The following CDC73 variants were observed in gnomAD, a reference collection of about 807,000 sequenced individuals.
CDC73 encodes the protein cell division cycle 73, also known as parafibromin.
In CDC73, 21 loss-of-function variants were observed where a neutral mutation model predicts 83.7. The ratio of observed to expected loss-of-function variants is 0.25; its 90% confidence interval spans 0.18 to 0.36. CDC73 has a LOEUF of 0.36. CDC73 is among the 10% of genes least tolerant of loss of function. The pLI, the probability that CDC73 is intolerant of heterozygous loss-of-function variation, is 1.00. For missense variants in CDC73, 342 were observed against 653.3 expected, an observed-to-expected ratio of 0.52 and a Z score of 5.19; for synonymous variants, 224 against 212.9, an observed-to-expected ratio of 1.05 and a Z score of -0.45.
intron 10 of CDC73, chr1:193,180,828 A>G (rs1676701629): frequency 6.2e-7 from 1 of 1,613,904 alleles, no homozygotes; most frequent in South Asian, 1.1e-5. Flanking sequence ...TAACATATGG[A>G]ATATGTGGAC....
Position 193,252,072 on chromosome 1 carries a change from A to G in CDC73, c.*1360A>G, listed in dbSNP as rs1678052445. 1.7e-5 allele frequency: 4 copies of G among 231,288 alleles called. No homozygotes were observed. Among genetic ancestry groups the G allele is most frequent in the Admixed American group, 5.7e-5 (1 of 17,682 alleles). 14.3% of individuals were successfully genotyped at this position (231,288 alleles called of 1,614,324 possible). On this transcript the variant is annotated 3_prime_UTR_variant, in exon 17 of 17. Transcript: ENST00000367435. ...ATTTAACACTGTCACAAAAATGAGA[A>G]GTTATTATTTTTTAAGTGATCACAT...
intron 3 of CDC73, among the ~76,000 whole-genome samples, chr1:193,134,790 A>G (rs1675760525): frequency 6.6e-6 from 1 of 152,204 alleles, no homozygotes; most frequent in African/African-American, 2.4e-5. Flanking sequence ...TTTGTATTAA[A>G]AAGGGTAAAA....
intron 7 of CDC73, among the ~76,000 whole-genome samples, chr1:193,143,899 C>T (rs1029696076): frequency 2.0e-4 from 30 of 151,988 alleles, no homozygotes; most frequent in South Asian, 8.3e-4. Flanking sequence ...CAGTTGAGGT[C>T]AGGAGTTAGA....
intron 8 of CDC73, 38 bp from the exon 9 acceptor site, chr1:193,150,266 A>G (rs1340023486): frequency 3.6e-6 from 5 of 1,407,612 alleles, no homozygotes; most frequent in African/African-American, 1.4e-5. Flanking sequence ...TGACATTTAA[A>G]AATATTAACA....
intron 10 of CDC73, chr1:193,186,268 A>G (rs545493946): frequency 6.6e-6 from 1 of 152,522 alleles, no homozygotes; most frequent in African/African-American, 2.4e-5. Flanking sequence ...TTCGTTAAAC[A>G]AAAGAGCTGT....
chr1:193,222,070 C>T (rs1346011817), intron 13 of CDC73, among the ~76,000 whole-genome samples: 1 of 152,002 alleles, frequency 6.6e-6, no homozygotes, highest in Non-Finnish European at 1.5e-5. Flanking sequence ...CTTTAACATG[C>T]TAACAAACAA....
intron 13 of CDC73, among the ~76,000 whole-genome samples, chr1:193,222,122 T>A (rs1042019586): frequency 2.6e-5 from 4 of 152,216 alleles, no homozygotes; most frequent in Admixed American, 2.6e-4. Flanking sequence ...AAATACACTT[T>A]ACATCTATAA....
chr1:193,198,424 A>C (rs929384163), intron 10 of CDC73, among the ~76,000 whole-genome samples: 9 of 152,200 alleles, frequency 5.9e-5, no homozygotes, highest in Non-Finnish European at 1.3e-4. Flanking sequence ...TTGCCCTTCC[A>C]CCTTCCACCA....
At chr1:193,176,984 C>T (rs886360435) in intron 10 of CDC73, among the ~76,000 whole-genome samples, 54 of 152,082 alleles carry the variant, frequency 3.6e-4, no homozygotes, top group African/African-American at 1.0e-3. Flanking sequence ...CACCATTAAA[C>T]AACAACTGGA....
intron 13 of CDC73, among the ~76,000 whole-genome samples, chr1:193,231,405 T>A (rs1677661218): frequency 6.6e-6 from 1 of 152,234 alleles, no homozygotes; most frequent in Admixed American, 6.5e-5. Flanking sequence ...TTTGTACAAC[T>A]ATGTATATTA....
intron 6 of CDC73, among the ~76,000 whole-genome samples, chr1:193,139,713 A>C (rs1041238036): frequency 6.6e-6 from 1 of 152,016 alleles, no homozygotes; most frequent in African/African-American, 2.4e-5. Context: ...TTTTTGGGAC[A>C]CAGTTAAATC....
chr1:193,217,163 T>G (rs1558314378), intron 13 of CDC73, among the ~76,000 whole-genome samples: 1 of 152,018 alleles, frequency 6.6e-6, no homozygotes, highest in Non-Finnish European at 1.5e-5. Context: ...CTGAAACCTC[T>G]AGGGGAGCAC....
At chr1:193,204,222 TATATGTATATATAC>T (rs1440100797) in intron 11 of CDC73, among the ~76,000 whole-genome samples, 36 of 13,058 alleles carry the variant, frequency 2.8e-3, no homozygotes, top group African/African-American at 8.4e-3. Flanking sequence ...TATATGTATA[TATATGTATATATAC>T]ACGTATATAT....
intron 8 of CDC73, 140 bp downstream of exon 8, chr1:193,148,105 G>A (rs1254557020): frequency 1.4e-6 from 1 of 701,986 alleles, no homozygotes; most frequent in Non-Finnish European, 2.6e-6. Flanking sequence ...TGAAAGATGT[G>A]AAAGCCCTCC....
At chr1:193,186,773 G>A (rs1292666323) in intron 10 of CDC73, 1 of 152,128 alleles carries the variant, frequency 6.6e-6, no homozygotes, top group South Asian at 2.1e-4. Flanking sequence ...GAATGCAAGT[G>A]TAGTGATGAG....
At chr1:193,135,295 A>G (rs1675771574) in intron 3 of CDC73, 96 bp from the exon 4 acceptor site, 4 of 975,058 alleles carry the variant, frequency 4.1e-6, no homozygotes, top group Non-Finnish European at 6.5e-6. Context: ...ATCACCATAT[A>G]GAAGTATATA....
chr1:193,194,647 A>G (rs1401418762), intron 10 of CDC73, among the ~76,000 whole-genome samples: 1 of 152,168 alleles, frequency 6.6e-6, no homozygotes, highest in African/African-American at 2.4e-5. Context: ...TATTAATCCA[A>G]GCATTATAGA....
intron 8 of CDC73, among the ~76,000 whole-genome samples, chr1:193,149,274 GT>G (rs1262530452): frequency 6.6e-6 from 1 of 151,916 alleles, no homozygotes; most frequent in East Asian, 1.9e-4. Context: ...CCAGGGGGAG[GT>G]TTTTGGAATG....
chr1:193,220,855 T>C (rs1010858213), intron 13 of CDC73, among the ~76,000 whole-genome samples: 1 of 152,162 alleles, frequency 6.6e-6, no homozygotes, highest in Non-Finnish European at 1.5e-5. Flanking sequence ...GAAATAGATA[T>C]GATAATATAA....
Sources: gnomAD v4.1 joint callset for allele counts (sites outside exome capture counted in the v4.1 genomes callset) on GRCh38, gnomAD v4.1.1 for gene constraint, MANE v1.5 for transcripts, NCBI Gene and HGNC (gene_info 2026-07-23, HGNC 2026-07-21) for gene names.